Variants in PLXNA2 observed in about 807,000 individuals in gnomAD.
The protein encoded by PLXNA2 is plexin A2.
PLXNA2 carries 91 observed loss-of-function variants against 193.5 expected under a neutral mutation model. That is an observed-to-expected ratio of 0.47 (90% CI 0.40 to 0.56). The LOEUF (loss-of-function observed/expected upper bound fraction) is 0.56, where lower values mean the gene tolerates loss of function less well. Ranked by LOEUF, PLXNA2 falls within the 20% of genes least tolerant of loss-of-function variation. The pLI is 0.00. For synonymous variants in PLXNA2, 997 were observed against 1,027.3 expected, an observed-to-expected ratio of 0.97 and a Z score of 0.56; for missense variants, 1,995 against 2,503.2, an observed-to-expected ratio of 0.80 and a Z score of 4.33.
At chr1:208,087,187 T>TA (rs1666558843) in intron 9 of PLXNA2, among the ~76,000 whole-genome samples, 1 of 152,072 alleles carries the variant, frequency 6.6e-6, no homozygotes, top group South Asian at 2.1e-4. Context: ...GTATGATGTC[T>TA]GGGGTTAGTA....
At chr1:208,243,317 G>A (rs955222037) in intron 1 of PLXNA2, among the ~76,000 whole-genome samples, 1 of 152,150 alleles carries the variant, frequency 6.6e-6, no homozygotes, top group African/African-American at 2.4e-5. Flanking sequence ...AAGCCGCAGA[G>A]CGCCGGCAGG....
At chr1:208,227,662 C>A (rs1671553865) in intron 1 of PLXNA2, among the ~76,000 whole-genome samples, 2 of 152,276 alleles carry the variant, frequency 1.3e-5, no homozygotes, top group Non-Finnish European at 2.9e-5. Context: ...GGGTAGGGCA[C>A]ACAGGAGTCC....
In PLXNA2 at chr1:208,044,791, G is replaced by A. The variant is rs931184022; in HGVS notation, c.3640-49C>T. 4.3e-6 allele frequency: 6 copies of A among 1,392,854 alleles called. No homozygotes were observed. The African/African-American group carries it at 5.9e-5, about 14-fold the overall frequency. 86.3% of individuals were successfully genotyped at this position (1,392,854 alleles called of 1,614,324 possible). The stretch of plus-strand genomic sequence containing the variant: ...GCACATGGATGCACACAGGTGTAGA[G>A]CCCGGGCATGCCAGCAGATCCTTAC... On this transcript the variant is annotated intron_variant, in intron 19 of 31. Coordinates refer to ENST00000367033, the MANE Select transcript of PLXNA2 (RefSeq NM_025179.4). This position sits in a 1 kb window ranked among gnomAD's most constrained non-coding sequence, Gnocchi z 4.9.
intron 3 of PLXNA2, among the ~76,000 whole-genome samples, chr1:208,149,451 T>C (rs961773564): frequency 6.6e-6 from 1 of 151,908 alleles, no homozygotes; most frequent in African/African-American, 2.4e-5. Flanking sequence ...GTATGGTATG[T>C]GTTGTATGTG....
In PLXNA2 at chr1:208,172,072, G is replaced by A. The variant is rs545930882; in HGVS notation, c.1372-29609C>T. Among the ~76,000 whole-genome samples the A allele has an allele frequency of 1.1e-4, 16 of 147,360 alleles. No homozygotes were observed. In the East Asian group the frequency reaches 3.5e-3, roughly 32 times the overall value. On this transcript the variant is annotated intron_variant, in intron 3 of 31. Transcript: ENST00000367033. ...CCGCAATTACTTCTGCACCAATGTT[G>A]TGCAGTGAGATAAGCACAAAGCAGT...
At chr1:208,054,220 T>A (rs1665353184) in intron 14 of PLXNA2, among the ~76,000 whole-genome samples, 1 of 152,198 alleles carries the variant, frequency 6.6e-6, no homozygotes, top group Non-Finnish European at 1.5e-5. Flanking sequence ...CAGCTTTGTT[T>A]ATCACATGCC....
In PLXNA2 at chr1:208,079,302, C is replaced by G. The variant is rs1192228761; in HGVS notation, c.2544G>C (p.Trp848Cys). The G allele has an allele frequency of 6.2e-7, 1 of 1,612,674 alleles. No individual in the cohort carries two copies. The highest frequency in any genetic ancestry group is 2.2e-5 in the East Asian group (1 of 44,826). ...TGGAGCACTTGACATTGTGGCTGGA[C>G]CAGTCGAGCCAGGGGCTGGAAGGGC... is the stretch of plus-strand genomic sequence containing the variant. The part of the protein sequence containing the change: ...CTSPSSPWLD[W>C]SSHNVKCSNP... The change falls in exon 12 of 32, where the codon TGG becomes TGC. Residue 848 changes from tryptophan (W) to cysteine (C), a missense_variant. By Grantham distance (215) the Trp-to-Cys change is radical. This residue lies in a region of PLXNA2 where 1,291 missense variants were observed against 1,673.6 expected (regional missense o/e 0.77). Transcript: ENST00000367033.
At chr1:208,177,030 C>A (rs1291072031) in intron 3 of PLXNA2, among the ~76,000 whole-genome samples, 1 of 152,114 alleles carries the variant, frequency 6.6e-6, no homozygotes, top group Non-Finnish European at 1.5e-5. Context: ...GCATTACAAA[C>A]CAAGCTCCAT....
At chr1:208,241,509 C>T (rs1482138822) in intron 1 of PLXNA2, among the ~76,000 whole-genome samples, 1 of 152,168 alleles carries the variant, frequency 6.6e-6, no homozygotes, top group East Asian at 1.9e-4. Flanking sequence ...TTGAGGGACC[C>T]CTGTCCTTAT....
At position 208,026,568 on chromosome 1, in the gene PLXNA2, G is replaced by C. The variant is rs1490129481; in HGVS notation, c.*675C>G. 1.3e-5 allele frequency: 2 copies of C among 152,034 alleles called. No homozygotes were observed. The highest frequency in any genetic ancestry group is 2.4e-5 in the African/African-American group (1 of 41,384). 9.4% of individuals were successfully genotyped at this position (152,034 alleles called of 1,614,324 possible). A position where few individuals can be genotyped will look rare whatever the true frequency, so the allele number is the denominator to read the frequency against. ...AAGTTCCATACTCCTCTGGCTGCCGGGATAATTCCAGGTTTTACTGGCCTC... is the reference window on the plus strand; with the variant it reads ...AAGTTCCATACTCCTCTGGCTGCCGCGATAATTCCAGGTTTTACTGGCCTC... On this transcript the variant is annotated 3_prime_UTR_variant, in exon 32 of 32. Transcript: ENST00000367033.
chr1:208,149,853 A>C (rs1668704224), intron 3 of PLXNA2, among the ~76,000 whole-genome samples: 1 of 152,122 alleles, frequency 6.6e-6, no homozygotes, highest in Admixed American at 6.5e-5. Flanking sequence ...ACACATACAC[A>C]CACACTCTCT....
In PLXNA2 at chr1:208,084,401, G is replaced by A. The variant is rs768222022; in HGVS notation, c.2277C>T (p.Ser759=). The part of the protein sequence containing the change: ...RVPALRFNSS[S]VQCQNSSYQY... ...TTACCGAGCTGTTCTGACACTGAAC[G>A]CTGGAGCTGTTGAAGCGCAGAGCGG... Residue 759 remains serine (S), a synonymous_variant, in exon 10 of 32, where the codon AGC becomes AGT. Transcript: ENST00000367033. 16 of 1,614,260 alleles carry A rather than the reference G, an allele frequency of 9.9e-6. No individual in the cohort carries two copies. The highest frequency in any genetic ancestry group is 2.7e-5 in the African/African-American group (2 of 75,078).
chr1:208,181,023 C>A (rs915700339), intron 3 of PLXNA2, among the ~76,000 whole-genome samples: 1 of 152,238 alleles, frequency 6.6e-6, no homozygotes, highest in Admixed American at 6.5e-5. Context: ...CAGTGAGAAA[C>A]CTCTAGTGTC....
At chr1:208,081,670 A>T (rs1558182223) in intron 11 of PLXNA2, among the ~76,000 whole-genome samples, 1 of 152,190 alleles carries the variant, frequency 6.6e-6, no homozygotes, top group Non-Finnish European at 1.5e-5. Context: ...GAGAATAATA[A>T]TAGTACATAC....
At chr1:208,096,980 C>A (rs6695694) in intron 6 of PLXNA2, 97 bp from the exon 7 acceptor site, 51 of 1,064,816 alleles carry the variant, frequency 4.8e-5, no homozygotes, top group Admixed American at 3.9e-4. Context: ...CACTGATCTC[C>A]CCTGACCTCA....
chr1:208,196,441 G>C (rs941059520), intron 3 of PLXNA2, among the ~76,000 whole-genome samples: 3 of 152,136 alleles, frequency 2.0e-5, no homozygotes, highest in Non-Finnish European at 4.4e-5. Context: ...ACACAGAGTG[G>C]GTAAATGTAC....
In PLXNA2 at chr1:208,038,931, C is replaced by T. The variant is rs142648481; in HGVS notation, c.4554G>A (p.Lys1518=). ...GTGTGATGGTGTCACAGTTTAACAC[C>T]TTCACTGGGATCTCTGGACTGTTCT... ...DNENSPEIPV[K]VLNCDTITQV... The change falls in exon 25 of 32, where the codon AAG becomes AAA. Residue 1518 remains lysine, a synonymous_variant. Transcript: ENST00000367033. This position sits in a 1 kb window ranked among gnomAD's most constrained non-coding sequence, Gnocchi z 4.1. 6 of 1,614,066 alleles carry T rather than the reference C, an allele frequency of 3.7e-6. No homozygotes were observed. In the African/African-American group the frequency reaches 8.0e-5, roughly 22 times the overall value.
chr1:208,216,172 C>T (rs1027101974), intron 2 of PLXNA2, among the ~76,000 whole-genome samples: 2 of 152,192 alleles, frequency 1.3e-5, no homozygotes, highest in South Asian at 4.1e-4. Context: ...CTCAGACACT[C>T]CAGGCATGCC....
chr1:208,218,654 A>G (rs1671224553), intron 1 of PLXNA2, among the ~76,000 whole-genome samples: 1 of 152,226 alleles, frequency 6.6e-6, no homozygotes, highest in Non-Finnish European at 1.5e-5. Flanking sequence ...ACTAGCTGTT[A>G]GAACAGCTGT....
Sources: gnomAD v4.1 joint callset for allele counts (sites outside exome capture counted in the v4.1 genomes callset) on GRCh38, gnomAD v4.1.1 for gene constraint, gnomAD v4.1.1 regional missense constraint, Gnocchi (gnomAD v3.1) non-coding constraint, MANE v1.5 for transcripts, NCBI Gene and HGNC (gene_info 2026-07-23, HGNC 2026-07-21) for gene names.